Variants in NAV2 observed in about 807,000 individuals in gnomAD.
NAV2 encodes neuron navigator 2.
A neutral mutation model predicts 223.2 loss-of-function variants in NAV2; 54 were observed. That is an observed-to-expected ratio of 0.24 (90% confidence interval 0.19 to 0.30). The LOEUF is 0.30. Ranked by LOEUF, NAV2 falls within the 10% of genes least tolerant of loss-of-function variation. The pLI, the probability that NAV2 is intolerant of heterozygous loss-of-function variation, is 1.00. For missense variants in NAV2, 2,806 were observed against 3,147.5 expected (o/e 0.89, Z 2.60); for synonymous variants, 1,279 against 1,239.3 (o/e 1.03, Z -0.67).
In NAV2 at chr11:20,045,659, C is replaced by A; in HGVS notation, c.3891C>A (p.Pro1297=). ...PGAKYPDVAS[P]TLRRLFGGKP... ...CCAAGTACCCAGATGTGGCCTCTCCCACACTCCGCAGGTAAGTGAGTACAT... is the reference window on the plus strand; with the variant it reads ...CCAAGTACCCAGATGTGGCCTCTCCAACACTCCGCAGGTAAGTGAGTACAT... Residue 1297 remains proline, a synonymous_variant, in exon 14 of 38, where the codon CCC becomes CCA. Transcript: ENST00000349880. The A allele has an allele frequency of 6.2e-7, 1 of 1,613,136 alleles. No individual in the cohort carries two copies. Among genetic ancestry groups the A allele is most frequent in the South Asian group, 1.1e-5 (1 of 90,986 alleles).
At chr11:19,882,812 C>T (rs777654693) in intron 5 of NAV2, among the ~76,000 whole-genome samples, 130 of 152,314 alleles carry the variant, frequency 8.5e-4, no homozygotes, top group Non-Finnish European at 1.5e-3. Context: ...TGACATAGAC[C>T]GGGCTTTGGA....
chr11:19,643,425 C>T (rs6483610), intron 1 of NAV2, among the ~76,000 whole-genome samples: 128,572 of 151,106 alleles, frequency 0.85, 56,204 homozygotes, highest in East Asian at 0.95. Flanking sequence ...TTTGGTTTTT[C>T]GTCCTTGCGA....
At chr11:19,944,696 T>TTCTTTCCTTC (rs1565613417) in intron 8 of NAV2, among the ~76,000 whole-genome samples, 2 of 144,342 alleles carry the variant, frequency 1.4e-5, no homozygotes, top group African/African-American at 5.7e-5. Context: ...TTTCTTTCTT[T>TTCTTTCCTTC]CTTCCTTCTT....
chr11:19,755,349 G>A (rs2054151514), intron 1 of NAV2, among the ~76,000 whole-genome samples: 1 of 152,194 alleles, frequency 6.6e-6, no homozygotes, highest in African/African-American at 2.4e-5. Flanking sequence ...ATGTGTAAGA[G>A]CTACATCCCA....
chr11:19,802,633 C>T (rs1463509933), intron 1 of NAV2, among the ~76,000 whole-genome samples: 3 of 150,128 alleles, frequency 2.0e-5, no homozygotes, highest in Non-Finnish European at 2.9e-5. Context: ...TCACTTAAGG[C>T]CAGGAGTTTG....
intron 1 of NAV2, among the ~76,000 whole-genome samples, chr11:19,509,994 A>G (rs1778961657): frequency 6.6e-6 from 1 of 152,198 alleles, no homozygotes; most frequent in South Asian, 2.1e-4. Context: ...TCTATCAAAT[A>G]TTTCAGTTCT....
At chr11:19,434,548 A>G (rs770079420) in intron 1 of NAV2, among the ~76,000 whole-genome samples, 6 of 152,212 alleles carry the variant, frequency 3.9e-5, no homozygotes, top group Non-Finnish European at 7.3e-5. Context: ...CCAGAGCCAG[A>G]CTGGACATGA....
At position 19,964,929 on chromosome 11, in the gene NAV2, C is replaced by T. The variant is rs1266431759; in HGVS notation, c.2645+15849C>T. On this transcript the variant is annotated intron_variant, in intron 10 of 37. Coordinates refer to ENST00000349880, the MANE Select transcript of NAV2 (RefSeq NM_145117.5). The stretch of plus-strand genomic sequence containing the variant: ...CTGCCTCCCGGGTTCAAGCAATTCT[C>T]CTGCCTCAGCCTCCTGAGTAGCTGG... Among the ~76,000 whole-genome samples, 3 of 145,218 alleles carry T rather than the reference C, an allele frequency of 2.1e-5. No homozygotes were observed. The East Asian group carries it at 6.3e-4, about 30-fold the overall frequency.
intron 1 of NAV2, among the ~76,000 whole-genome samples, chr11:19,719,951 G>A (rs891618276): frequency 1.3e-5 from 2 of 152,168 alleles, no homozygotes; most frequent in Admixed American, 6.5e-5. Flanking sequence ...GAGTGGAGCC[G>A]GCCAATCTGA....
At chr11:19,985,872 G>A (rs924576866) in intron 11 of NAV2, among the ~76,000 whole-genome samples, 2 of 152,164 alleles carry the variant, frequency 1.3e-5, no homozygotes, top group Non-Finnish European at 1.5e-5. Context: ...CACTGCGCCC[G>A]GGCTGAGAAC....
chr11:19,497,481 A>T (rs1486449682), intron 1 of NAV2, among the ~76,000 whole-genome samples: 1 of 151,494 alleles, frequency 6.6e-6, no homozygotes, highest in Non-Finnish European at 1.5e-5. Context: ...TGAGTGTGGG[A>T]GCCTCCTTAG....
intron 1 of NAV2, among the ~76,000 whole-genome samples, chr11:19,425,808 T>A (rs1260675175): frequency 6.6e-6 from 1 of 152,184 alleles, no homozygotes; most frequent in Non-Finnish European, 1.5e-5. Flanking sequence ...TTTTTGGTTA[T>A]TGAGGATGTT....
At chr11:19,779,347 G>C (rs2056557507) in intron 1 of NAV2, among the ~76,000 whole-genome samples, 1 of 152,200 alleles carries the variant, frequency 6.6e-6, no homozygotes, top group South Asian at 2.1e-4. Flanking sequence ...ACTGGGTCTT[G>C]GCGTCCAGAT....
intron 6 of NAV2, among the ~76,000 whole-genome samples, chr11:19,925,112 G>T (rs2153232177): frequency 6.6e-6 from 1 of 151,984 alleles, no homozygotes; most frequent in East Asian, 1.9e-4. Context: ...CAAGTTTTTT[G>T]CCCATTTTAA....
intron 1 of NAV2, among the ~76,000 whole-genome samples, chr11:19,414,097 A>G (rs1317001485): frequency 6.6e-6 from 1 of 152,248 alleles, no homozygotes; most frequent in Non-Finnish European, 1.5e-5. Flanking sequence ...AATGGGCTAA[A>G]TGCCCCATTT....
chr11:19,778,505 AC>A (rs2056468956), intron 1 of NAV2, among the ~76,000 whole-genome samples: 4 of 150,634 alleles, frequency 2.7e-5, no homozygotes. Context: ...AAAAACAAAA[AC>A]AAAAACAAAA....
At chr11:19,462,118 AT>A (rs1359294903) in intron 1 of NAV2, among the ~76,000 whole-genome samples, 1 of 152,142 alleles carries the variant, frequency 6.6e-6, no homozygotes, top group African/African-American at 2.4e-5. Context: ...CGAAAAATAA[AT>A]TTCTTAATAT....
In NAV2 at chr11:19,722,351, C is replaced by G. The variant is rs146828031; in HGVS notation, c.267+8389C>G. 7.6e-4 allele frequency among the ~76,000 whole-genome samples: 116 copies of G among 152,194 alleles called. 1 individual carries two copies. The East Asian group carries it at 0.02, about 26-fold the overall frequency. On this transcript the variant is annotated intron_variant, in intron 1 of 37. Transcript: ENST00000349880. ...AAAAATTTAAAACCTCTGACTGAGCCCTGCTGGTCTAGGCACTGAGAAGGT... is the reference window on the plus strand; with the variant it reads ...AAAAATTTAAAACCTCTGACTGAGCGCTGCTGGTCTAGGCACTGAGAAGGT...
chr11:19,891,971 T>C (rs938283371), intron 5 of NAV2, among the ~76,000 whole-genome samples: 85 of 152,174 alleles, frequency 5.6e-4, no homozygotes, highest in Non-Finnish European at 1.0e-3. Context: ...TGTTTTGTTT[T>C]GTTTTGAGTC....
Sources: allele counts gnomAD v4.1 joint callset (sites outside exome capture counted in the v4.1 genomes callset), GRCh38; gene constraint gnomAD v4.1.1; transcripts MANE v1.5; gene names NCBI Gene and HGNC (gene_info 2026-07-23, HGNC 2026-07-21).